CDH4: variants seen among roughly 807,000 people sequenced by gnomAD.
CDH4 encodes cadherin 4.
Under a neutral mutation model 86.0 loss-of-function variants are expected in CDH4, and 33 were observed. The ratio of observed to expected loss-of-function variants is 0.38; its 90% confidence interval spans 0.29 to 0.51. The LOEUF is 0.51. Ranked by LOEUF, CDH4 falls within the 20% of genes least tolerant of loss-of-function variation. The pLI, the probability that CDH4 is intolerant of heterozygous loss-of-function variation, is 0.86. For missense variants in CDH4, 1,114 were observed against 1,307.4 expected, an observed-to-expected ratio of 0.85 and a Z score of 2.28; for synonymous variants, 555 against 549.4, an observed-to-expected ratio of 1.01 and a Z score of -0.14.
At chr20:61,853,428 C>T (rs1284630950) in intron 6 of CDH4, among the ~76,000 whole-genome samples, 1 of 152,172 alleles carries the variant, frequency 6.6e-6, no homozygotes, top group Admixed American at 6.5e-5. Context: ...ACTCCCCCCA[C>T]AGAGGCGATC....
chr20:61,599,727 G>A (rs1568705882), intron 2 of CDH4: 3 of 902,850 alleles, frequency 3.3e-6, no homozygotes, highest in Non-Finnish European at 4.0e-6. Flanking sequence ...CCGAGGCCCC[G>A]CTCCTCCTCC....
At chr20:61,856,151 T>C (rs1220694525) in intron 6 of CDH4, among the ~76,000 whole-genome samples, 1 of 152,190 alleles carries the variant, frequency 6.6e-6, no homozygotes, top group African/African-American at 2.4e-5. Context: ...ACACAGTGCC[T>C]TTGTGGGATA....
intron 7 of CDH4, among the ~76,000 whole-genome samples, chr20:61,886,907 C>T (rs567051113): frequency 8.7e-4 from 133 of 152,274 alleles, no homozygotes; most frequent in Non-Finnish European, 1.5e-3. Flanking sequence ...CGTGGGGCTC[C>T]CCTTGCCCGC....
At chr20:61,313,561 G>A (rs1019682524) in intron 2 of CDH4, among the ~76,000 whole-genome samples, 1 of 152,200 alleles carries the variant, frequency 6.6e-6, no homozygotes, top group Non-Finnish European at 1.5e-5. Context: ...TGGATTTCAC[G>A]ATCAGACGGT....
intron 2 of CDH4, among the ~76,000 whole-genome samples, chr20:61,682,241 G>C (rs1212163002): frequency 1.3e-5 from 2 of 151,770 alleles, no homozygotes; most frequent in African/African-American, 2.4e-5. Context: ...TGGATGGTTG[G>C]ACAAGTGGAC....
intron 2 of CDH4, among the ~76,000 whole-genome samples, chr20:61,355,921 A>C (rs2084747258): frequency 6.6e-6 from 1 of 152,238 alleles, no homozygotes; most frequent in Non-Finnish European, 1.5e-5. Flanking sequence ...TGGAATAGGA[A>C]GGTGGTGGAT....
chr20:61,276,501 G>A (rs976505998), intron 2 of CDH4, among the ~76,000 whole-genome samples: 1 of 152,284 alleles, frequency 6.6e-6, no homozygotes, highest in South Asian at 2.1e-4. Context: ...TTAGGAGGCC[G>A]CACTTGAGCA....
At chr20:61,560,871 G>A (rs935753267) in intron 2 of CDH4, among the ~76,000 whole-genome samples, 1 of 152,208 alleles carries the variant, frequency 6.6e-6, no homozygotes, top group Non-Finnish European at 1.5e-5. Context: ...CCCAGCCAGC[G>A]GACATGGAAC....
chr20:61,473,298 T>TTTTTCTC (rs1242196239), intron 2 of CDH4, among the ~76,000 whole-genome samples: 10 of 152,208 alleles, frequency 6.6e-5, no homozygotes, highest in Non-Finnish European at 1.3e-4. Context: ...TTTCTACAGG[T>TTTTTCTC]TAGTTTTTCT....
chr20:61,741,054 C>A (rs916819233), intron 2 of CDH4, among the ~76,000 whole-genome samples: 2 of 152,164 alleles, frequency 1.3e-5, no homozygotes, highest in Non-Finnish European at 1.5e-5. Flanking sequence ...ACTAAACATA[C>A]AAGACTCAGC....
At chr20:61,657,547 A>C (rs901405620) in intron 2 of CDH4, among the ~76,000 whole-genome samples, 1 of 152,220 alleles carries the variant, frequency 6.6e-6, no homozygotes, top group Admixed American at 6.5e-5. Flanking sequence ...GTAGTCTTCC[A>C]ATTCCCCAGA....
intron 2 of CDH4, among the ~76,000 whole-genome samples, chr20:61,600,691 G>A (rs1447458721): frequency 1.3e-5 from 2 of 152,132 alleles, no homozygotes; most frequent in African/African-American, 2.4e-5. Context: ...TGTATAAGAA[G>A]GCATAGTATA....
intron 3 of CDH4, among the ~76,000 whole-genome samples, chr20:61,766,741 C>T (rs1344304813): frequency 6.6e-6 from 1 of 152,154 alleles, no homozygotes; most frequent in Non-Finnish European, 1.5e-5. Context: ...TGCCTGGTTT[C>T]TGAGGCATCC....
At position 61,545,070 on chromosome 20, in the gene CDH4, G is replaced by A. The variant is rs549143458; in HGVS notation, c.170-198493G>A. Among the ~76,000 whole-genome samples the A allele has an allele frequency of 5.9e-5, 9 of 152,300 alleles. No individual in the cohort carries two copies. The East Asian group carries it at 1.4e-3, about 23-fold the overall frequency. ...GGCAGGAGCGCCCTCGCTTCTGTGG[G>A]TCTGACGCGGAGACAGTGTCTCCAG... On this transcript the variant is annotated intron_variant, in intron 2 of 15. Transcript: ENST00000614565.
At chr20:61,885,694 G>A (rs948958968) in intron 7 of CDH4, among the ~76,000 whole-genome samples, 1 of 152,126 alleles carries the variant, frequency 6.6e-6, no homozygotes, top group African/African-American at 2.4e-5. Flanking sequence ...GACTTGTGAG[G>A]ACCCGCCAGC....
chr20:61,640,629 G>A (rs2086996638), intron 2 of CDH4, among the ~76,000 whole-genome samples: 1 of 152,190 alleles, frequency 6.6e-6, no homozygotes, highest in Non-Finnish European at 1.5e-5. Context: ...GAGGAGAGGA[G>A]GGATGCTTCG....
intron 2 of CDH4, among the ~76,000 whole-genome samples, chr20:61,325,029 C>A (rs1267967381): frequency 6.6e-6 from 1 of 152,106 alleles, no homozygotes; most frequent in African/African-American, 2.4e-5. Context: ...GGATGCTGGG[C>A]GAGTCCCGTA....
chr20:61,579,932 T>C (rs1316373078), intron 2 of CDH4, among the ~76,000 whole-genome samples: 1 of 150,032 alleles, frequency 6.7e-6, no homozygotes, highest in East Asian at 1.9e-4. Context: ...TTAAATTGCA[T>C]ACACTTTCTG....
intron 2 of CDH4, among the ~76,000 whole-genome samples, chr20:61,694,253 G>A (rs2087692911): frequency 1.3e-5 from 2 of 152,100 alleles, no homozygotes; most frequent in South Asian, 4.1e-4. Flanking sequence ...GAGTGGGAAG[G>A]AGGAAGCCAC....
Sources: gnomAD v4.1 joint callset for allele counts (sites outside exome capture counted in the v4.1 genomes callset) on GRCh38, gnomAD v4.1.1 for gene constraint, MANE v1.5 for transcripts, NCBI Gene and HGNC (gene_info 2026-07-23, HGNC 2026-07-21) for gene names.